Variants in MME observed in about 807,000 individuals in gnomAD.
MME encodes neprilysin.
A neutral mutation model predicts 113.2 loss-of-function variants in MME; 98 were observed. The ratio of observed to expected loss-of-function variants is 0.87; its 90% CI spans 0.74 to 1.02. The LOEUF is 1.02. Among genes scored for constraint, MME ranks in the 50% least tolerant of loss-of-function variants. MME has a pLI of 0.00. For missense variants in MME, 836 were observed against 896.0 expected (o/e 0.93, Z 0.86); for synonymous variants, 292 against 300.6 (o/e 0.97, Z 0.30).
rs1050264823 is a variant in MME, at chr3:155,085,208, T to A, written c.196+114T>A. ...TTTTATTCATTGTAGATCAATTATT[T>A]ATGTGTCTGGCTCTATAATCAATGG... On this transcript the variant is annotated intron_variant, in intron 3 of 22. Transcript: ENST00000360490. 4.5e-6 allele frequency: 3 copies of A among 672,202 alleles called. No individual in the cohort carries two copies. The African/African-American group carries it at 5.4e-5, about 12-fold the overall frequency. 41.6% of individuals were successfully genotyped at this position (672,202 alleles called of 1,614,324 possible). A position where few individuals can be genotyped will look rare whatever the true frequency, so the allele number is the denominator to read the frequency against.
chr3:155,116,312 T>C (rs1020140269), intron 4 of MME, among the ~76,000 whole-genome samples, 167 bp from the exon 5 acceptor site: 3 of 152,090 alleles, frequency 2.0e-5, no homozygotes, highest in Non-Finnish European at 2.9e-5. Flanking sequence ...GTTTTTCCTA[T>C]AATGTTTTGG....
At chr3:155,133,062 A>AATATGTATATATATATAT (rs1720289393) in intron 8 of MME, among the ~76,000 whole-genome samples, 1 of 75,082 alleles carries the variant, frequency 1.3e-5, no homozygotes, top group African/African-American at 6.6e-5. Flanking sequence ...AAAAAAAAAA[A>AATATGTATATATATATAT]ATATATATAT....
chr3:155,144,319 T>A, intron 13 of MME, 40 bp from the exon 14 acceptor site: 1 of 1,301,806 alleles, frequency 7.7e-7, no homozygotes, highest in East Asian at 2.3e-5. Flanking sequence ...TTACAAAGAA[T>A]GAATTAATGA....
Position 155,181,806 on chromosome 3 carries a change from AGAG to A in MME, c.*1351_*1353del, listed in dbSNP as rs1412029059. The A allele has an allele frequency of 1.3e-5, 2 of 152,152 alleles. No individual in the cohort carries two copies. Among genetic ancestry groups the A allele is most frequent in the Non-Finnish European group, 2.9e-5 (2 of 68,008 alleles). 9.4% of individuals were successfully genotyped at this position (152,152 alleles called of 1,614,324 possible). A position where few individuals can be genotyped will look rare whatever the true frequency, so the allele number is the denominator to read the frequency against. On this transcript the variant is annotated 3_prime_UTR_variant, in exon 23 of 23. Coordinates refer to ENST00000360490, the MANE Select transcript of MME (RefSeq NM_007289.4). ...CATTACTTGATTAAGATTTTACAAAAGAGGAGCACTTCCAAAATTCTTATTTTT... is the reference window on the plus strand; with the variant it reads ...CATTACTTGATTAAGATTTTACAAAAGAGCACTTCCAAAATTCTTATTTTT...
chr3:155,024,881 G>A (rs543507802), intron 1 of MME, among the ~76,000 whole-genome samples: 1 of 152,312 alleles, frequency 6.6e-6, no homozygotes, highest in East Asian at 1.9e-4. Context: ...ACTGCTGCAG[G>A]AAGTAGAGGG....
intron 14 of MME, among the ~76,000 whole-genome samples, chr3:155,145,423 G>A (rs766911242): frequency 6.6e-6 from 1 of 152,036 alleles, no homozygotes; most frequent in Non-Finnish European, 1.5e-5. Context: ...TGCTCCTAGG[G>A]TGTGATTTTA....
At chr3:155,105,081 T>G (rs1717578421) in intron 3 of MME, among the ~76,000 whole-genome samples, 1 of 152,136 alleles carries the variant, frequency 6.6e-6, no homozygotes, top group African/African-American at 2.4e-5. Flanking sequence ...TAATTGCCAG[T>G]CCTCCCTTGG....
chr3:155,170,055 C>T (rs1334553389), intron 20 of MME, among the ~76,000 whole-genome samples: 2 of 151,956 alleles, frequency 1.3e-5, no homozygotes, highest in South Asian at 2.1e-4. Context: ...CATTTTACCT[C>T]TTTTTTTTGA....
intron 1 of MME, among the ~76,000 whole-genome samples, chr3:155,057,217 C>A (rs1370868959): frequency 1.3e-5 from 2 of 151,992 alleles, no homozygotes; most frequent in East Asian, 3.9e-4. Context: ...GGCTAATATC[C>A]AGAATCTACA....
upstream of MME, chr3:155,079,930 C>T (rs1714966202): frequency 6.6e-6 from 1 of 152,484 alleles, no homozygotes; most frequent in Admixed American, 6.5e-5. Flanking sequence ...CCGCCACTGC[C>T]ACCCGGCCCC....
chr3:155,045,459 T>G (rs2108124114), intron 1 of MME, among the ~76,000 whole-genome samples: 1 of 152,188 alleles, frequency 6.6e-6, no homozygotes, highest in African/African-American at 2.4e-5. Flanking sequence ...ATAAAAATAC[T>G]TTTAAGTATT....
At chr3:155,124,972 G>A (rs553968740) in intron 8 of MME, among the ~76,000 whole-genome samples, 2 of 152,274 alleles carry the variant, frequency 1.3e-5, no homozygotes, top group East Asian at 1.9e-4. Flanking sequence ...GGGCTGCTTT[G>A]TTTACCTAAG....
chr3:155,051,901 G>T (rs542900010), intron 1 of MME, among the ~76,000 whole-genome samples: 1 of 152,252 alleles, frequency 6.6e-6, no homozygotes, highest in South Asian at 2.1e-4. Context: ...TTCCGCCTAT[G>T]AGCCAGTAAA....
chr3:155,162,319 C>T (rs73170613), intron 17 of MME, among the ~76,000 whole-genome samples: 64 of 152,184 alleles, frequency 4.2e-4, no homozygotes, highest in South Asian at 1.0e-3. Flanking sequence ...AGGGATTCCC[C>T]GATCAGAGAA....
At chr3:155,127,402 AAG>A (rs981631511) in intron 8 of MME, among the ~76,000 whole-genome samples, 2 of 152,238 alleles carry the variant, frequency 1.3e-5, no homozygotes, top group Non-Finnish European at 2.9e-5. Flanking sequence ...GGAAGAAGAA[AAG>A]AGAGAAAGTG....
chr3:155,135,612 A>T (rs762849258), intron 8 of MME, among the ~76,000 whole-genome samples: 11 of 152,118 alleles, frequency 7.2e-5, no homozygotes, highest in Non-Finnish European at 1.5e-4. Context: ...TACTTTGGCC[A>T]TTTGGGCTCT....
Position 155,168,505 on chromosome 3 carries a change from C to A in MME, c.1794C>A (p.Asn598Lys). 2 of 1,612,772 alleles carry A rather than the reference C, an allele frequency of 1.2e-6. No individual in the cohort carries two copies. Among genetic ancestry groups the A allele is most frequent in the Non-Finnish European group, 1.7e-6 (2 of 1,179,064 alleles). The change falls in exon 19 of 23, where the codon AAC (asparagine) becomes AAA (lysine). Residue 598 changes from asparagine to lysine, a missense_variant. Transcript: ENST00000360490. The stretch of plus-strand genomic sequence containing the variant: ...AATATATTATAGGCAGAAACTTTAA[C>A]AAAGATGGAGACCTCGTTGACTGGT... ...HGFDDNGRNF[N>K]KDGDLVDWWT...
chr3:155,172,006 G>A (rs1712021682), intron 20 of MME, 111 bp from the exon 21 acceptor site: 3 of 687,012 alleles, frequency 4.4e-6, no homozygotes, highest in Middle Eastern at 3.7e-4. Context: ...TGTATTATCA[G>A]GGTGATTTTA....
chr3:155,043,846 A>G (rs1713447690), intron 1 of MME, among the ~76,000 whole-genome samples: 2 of 152,168 alleles, frequency 1.3e-5, no homozygotes, highest in Non-Finnish European at 2.9e-5. Context: ...TGTCCTTGCT[A>G]TACTTACATG....
Sources: gnomAD v4.1 joint callset for allele counts (sites outside exome capture counted in the v4.1 genomes callset) on GRCh38, gnomAD v4.1.1 for gene constraint, MANE v1.5 for transcripts, NCBI Gene and HGNC (gene_info 2026-07-23, HGNC 2026-07-21) for gene names.